CCM2: variants seen among roughly 807,000 people sequenced by gnomAD.
CCM2 encodes the protein CCM2 scaffold protein.
Under a neutral mutation model 44.9 loss-of-function variants are expected in CCM2, and 25 were observed. The observed-to-expected ratio is 0.56, with a 90% CI of 0.41 to 0.78. CCM2 has a LOEUF of 0.78. Among genes scored for constraint, CCM2 ranks in the 30% least tolerant of loss-of-function variants. The pLI is 0.00. For missense variants in CCM2, 481 were observed against 580.6 expected, an observed-to-expected ratio of 0.83 and a Z score of 1.76; for synonymous variants, 219 against 241.1, an observed-to-expected ratio of 0.91 and a Z score of 0.85.
intron 1 of CCM2, among the ~76,000 whole-genome samples, chr7:45,016,681 G>A (rs1043911388): frequency 8.0e-5 from 12 of 149,468 alleles, no homozygotes; most frequent in African/African-American, 3.0e-4. Context: ...TGCCCAGGCT[G>A]GAGTGCAGTG....
chr7:45,011,816 A>G (rs1189134475), intron 1 of CCM2, among the ~76,000 whole-genome samples: 3 of 152,176 alleles, frequency 2.0e-5, no homozygotes, highest in Admixed American at 2.0e-4. Context: ...CCTCTCTAAA[A>G]GTGCTGAGAT....
chr7:45,062,317 T>G (rs1798563866), intron 2 of CCM2, among the ~76,000 whole-genome samples: 1 of 152,120 alleles, frequency 6.6e-6, no homozygotes. Context: ...CAGCAACCCA[T>G]TTTAAAAAAC....
intron 2 of CCM2, among the ~76,000 whole-genome samples, chr7:45,059,494 C>T (rs1319251430): frequency 2.0e-5 from 3 of 151,780 alleles, no homozygotes; most frequent in Admixed American, 6.6e-5. Context: ...CCTGTATTCC[C>T]AGCACTTTTG....
intron 2 of CCM2, among the ~76,000 whole-genome samples, chr7:45,063,403 C>T (rs1798616709): frequency 6.6e-6 from 1 of 152,240 alleles, no homozygotes; most frequent in African/African-American, 2.4e-5. Context: ...ACCCTTAACA[C>T]TGTTGCATGT....
intron 1 of CCM2, among the ~76,000 whole-genome samples, chr7:45,036,643 T>C (rs1050303082): frequency 2.6e-5 from 4 of 152,080 alleles, no homozygotes; most frequent in Non-Finnish European, 5.9e-5. Flanking sequence ...GTGTAGTCCT[T>C]GGCTGCAATT....
intron 8 of CCM2, 103 bp downstream of exon 8, chr7:45,073,674 C>A: frequency 2.5e-6 from 2 of 793,408 alleles, no homozygotes; most frequent in Non-Finnish European, 4.1e-6. Flanking sequence ...GGGCAGGCTG[C>A]AGTGAGTGAG....
At chr7:45,024,854 G>A (rs1359062942) in intron 1 of CCM2, among the ~76,000 whole-genome samples, 1 of 152,094 alleles carries the variant, frequency 6.6e-6, no homozygotes, top group Non-Finnish European at 1.5e-5. Flanking sequence ...TCTAAATGTT[G>A]AGGGTTTGTC....
At chr7:45,045,622 T>G (rs1797715649) in intron 2 of CCM2, among the ~76,000 whole-genome samples, 1 of 152,120 alleles carries the variant, frequency 6.6e-6, no homozygotes, top group Non-Finnish European at 1.5e-5. Flanking sequence ...AAACACTGTC[T>G]CTACTAAAAA....
chr7:45,031,676 G>A (rs915062573), intron 1 of CCM2, among the ~76,000 whole-genome samples: 6 of 152,114 alleles, frequency 3.9e-5, no homozygotes, highest in African/African-American at 1.4e-4. Flanking sequence ...TCCCACTTCA[G>A]CCTCCCAAGT....
intron 1 of CCM2, among the ~76,000 whole-genome samples, chr7:45,017,020 C>T (rs899874178): frequency 7.2e-5 from 11 of 152,134 alleles, no homozygotes; most frequent in Admixed American, 4.6e-4. Context: ...CCACCTGCCT[C>T]GGCCTCCCAA....
intron 5 of CCM2, among the ~76,000 whole-genome samples, chr7:45,068,793 C>A (rs1489177216): frequency 6.6e-6 from 1 of 152,220 alleles, no homozygotes; most frequent in Non-Finnish European, 1.5e-5. Flanking sequence ...CATCCTGGCC[C>A]TGCCCACAGC....
intron 2 of CCM2, among the ~76,000 whole-genome samples, chr7:45,043,480 G>A (rs368507457): frequency 1.3e-5 from 2 of 152,166 alleles, no homozygotes; most frequent in African/African-American, 4.8e-5. Context: ...AACAAGTGGA[G>A]TTTGTTCTGA....
intron 1 of CCM2, among the ~76,000 whole-genome samples, chr7:45,033,936 G>A (rs191298476): frequency 5.1e-4 from 77 of 152,262 alleles, no homozygotes; most frequent in Admixed American, 2.4e-3. Context: ...TTTGAGGGCC[G>A]TTTTTAACTT....
intron 6 of CCM2, chr7:45,072,297 T>A (rs889563793): frequency 2.9e-6 from 1 of 343,190 alleles, no homozygotes; most frequent in African/African-American, 2.1e-5. Flanking sequence ...CTGTGGTTTC[T>A]GCTGTGTGAC....
At chr7:45,004,294 T>C (rs565176762) in intron 1 of CCM2, among the ~76,000 whole-genome samples, 1 of 152,366 alleles carries the variant, frequency 6.6e-6, no homozygotes, top group East Asian at 1.9e-4. Flanking sequence ...GATAGGCATG[T>C]ATTCTGAGAT....
chr7:45,033,279 A>G (rs1316522649), intron 1 of CCM2, among the ~76,000 whole-genome samples: 1 of 152,090 alleles, frequency 6.6e-6, no homozygotes, highest in African/African-American at 2.4e-5. Context: ...CCCAGTGCAG[A>G]CTGTAATTCT....
At chr7:45,047,889 T>TA (rs1281115768) in intron 2 of CCM2, among the ~76,000 whole-genome samples, 1 of 152,210 alleles carries the variant, frequency 6.6e-6, no homozygotes, top group Non-Finnish European at 1.5e-5. Flanking sequence ...TAAGAGAATT[T>TA]ACAATTACCT....
At chr7:45,043,628 CAA>C (rs56961380) in intron 2 of CCM2, 1,549 of 280,826 alleles carry the variant, frequency 5.5e-3, no homozygotes, top group South Asian at 8.7e-3. Context: ...GACTCCATCC[CAA>C]AAAAAAAAAA....
Position 45,027,776 on chromosome 7 carries a change from A to G in CCM2, c.31-10477A>G, listed in dbSNP as rs765914345. On this transcript the variant is annotated intron_variant, in intron 1 of 9. Transcript: ENST00000258781. ...AAATTCCTCAAACAGAATTTCACACAGGGTATTCCATGGAGAATGAGGTAG... is the reference window on the plus strand; with the variant it reads ...AAATTCCTCAAACAGAATTTCACACGGGGTATTCCATGGAGAATGAGGTAG... 10 of 1,614,216 alleles carry G rather than the reference A, an allele frequency of 6.2e-6. No homozygotes were observed. In the East Asian group the frequency reaches 1.3e-4, roughly 22 times the overall value.
Sources: allele counts gnomAD v4.1 joint callset (sites outside exome capture counted in the v4.1 genomes callset), GRCh38; gene constraint gnomAD v4.1.1; transcripts MANE v1.5; gene names NCBI Gene and HGNC (gene_info 2026-07-23, HGNC 2026-07-21).